TDRD6: variants seen among roughly 807,000 people sequenced by gnomAD.
The protein encoded by TDRD6 is tudor domain containing 6.
A neutral mutation model predicts 157.5 loss-of-function variants in TDRD6; 186 were observed. The observed-to-expected ratio is 1.18, with a 90% CI of 1.05 to 1.33. The LOEUF (loss-of-function observed/expected upper bound fraction) is 1.33, where lower values mean the gene tolerates loss of function less well. TDRD6 is among the 40% of genes most tolerant of loss of function. The probability of loss-of-function intolerance (pLI) is 0.00; values close to 1 mark genes in which losing one functional copy is unlikely to be tolerated. For synonymous variants in TDRD6, 1,075 were observed against 945.2 expected (o/e 1.14, Z -2.52); for missense variants, 3,066 against 2,508.0 (o/e 1.22, Z -4.75).
chr6:46,699,981 A>G lies in TDRD6; in HGVS notation c.6262-1877A>G, dbSNP rs530180389. Among the ~76,000 whole-genome samples the G allele has an allele frequency of 9.8e-5, 15 of 152,296 alleles. No homozygotes were observed. In the South Asian group the frequency reaches 2.5e-3, roughly 25 times the overall value. ...TTAGGTCATTTGAAATTTTTACTAT[A>G]AAAAATCAATGAATATCTCTCTTTA... On this transcript the variant is annotated intron_variant, in intron 3 of 3. Coordinates refer to ENST00000316081, the MANE Select transcript of TDRD6 (RefSeq NM_001010870.3).
Position 46,690,694 on chromosome 6 carries a change from G to A in TDRD6, c.2566G>A (p.Asp856Asn), listed in dbSNP as rs977051453. ...HVNVTFVDYGDREMVSVKNIY... is the reference protein window; with the variant it reads ...HVNVTFVDYGNREMVSVKNIY... ...CAATGTAACATTTGTAGATTATGGAGACAGAGAAATGGTATCTGTGAAGAA... is the reference window on the plus strand; with the variant it reads ...CAATGTAACATTTGTAGATTATGGAAACAGAGAAATGGTATCTGTGAAGAA... The change falls in exon 1 of 4, where the codon GAC becomes AAC. Residue 856 changes from aspartate to asparagine, a missense_variant. By Grantham distance (23) the Asp-to-Asn change is conservative (BLOSUM62 1). Coordinates refer to ENST00000316081, the MANE Select transcript of TDRD6 (RefSeq NM_001010870.3). The A allele has an allele frequency of 2.5e-6, 4 of 1,614,008 alleles. No individual in the cohort carries two copies. The highest frequency in any genetic ancestry group is 1.7e-5 in the Admixed American group (1 of 60,002).
chr6:46,685,014 G>GTT (rs76156697), upstream of TDRD6, among the ~76,000 whole-genome samples: 214 of 131,512 alleles, frequency 1.6e-3, 1 homozygote, highest in African/African-American at 4.7e-3. Context: ...AACATTGTGG[G>GTT]TTTTTTTTTT....
chr6:46,693,535 G>A lies in TDRD6; in HGVS notation c.5407G>A (p.Asp1803Asn), dbSNP rs148925178. Residue 1803 changes from aspartate (D) to asparagine (N), a missense_variant, in exon 1 of 4, where the codon GAC (aspartate) becomes AAC (asparagine). Asp to Asn is a conservative substitution (Grantham distance 23, BLOSUM62 1). Coordinates refer to ENST00000316081, the MANE Select transcript of TDRD6 (RefSeq NM_001010870.3). The stretch of plus-strand genomic sequence containing the variant: ...AGGTGAATTAGAGTGCCATCTGGTT[G>A]ACAAAGCAGAGTTTGATGATAAATA... The part of the protein sequence containing the change: ...LEGELECHLV[D>N]KAEFDDKYLI... The A allele has an allele frequency of 4.3e-6, 7 of 1,613,844 alleles. No homozygotes were observed. The highest frequency in any genetic ancestry group is 5.9e-6 in the Non-Finnish European group (7 of 1,179,886).
upstream of TDRD6, among the ~76,000 whole-genome samples, chr6:46,685,564 T>C (rs1764070242): frequency 6.6e-6 from 1 of 152,126 alleles, no homozygotes; most frequent in Non-Finnish European, 1.5e-5. Flanking sequence ...TACGTATTTG[T>C]ATTAGGATAA....
At chr6:46,683,501 A>C (rs1343705536), upstream of TDRD6, among the ~76,000 whole-genome samples, 1 of 152,050 alleles carries the variant, frequency 6.6e-6, no homozygotes, top group Non-Finnish European at 1.5e-5. Flanking sequence ...ATTTCATCAA[A>C]ATTACAAATT....
the TDRD6 span, among the ~76,000 whole-genome samples, chr6:46,680,958 C>A: frequency 6.6e-6 from 1 of 152,190 alleles, no homozygotes; most frequent in Non-Finnish European, 1.5e-5. Flanking sequence ...CCCCCTTTCT[C>A]CCACTGCTTC....
chr6:46,693,172 GTTGAC>G lies in TDRD6; in HGVS notation c.5049_5053del (p.Asp1683GlufsTer5). 2 of 1,608,952 alleles carry G rather than the reference GTTGAC, an allele frequency of 1.2e-6. No homozygotes were observed. The highest frequency in any genetic ancestry group is 1.1e-5 in the South Asian group (1 of 90,248). On this transcript the variant is annotated frameshift_variant, in exon 1 of 4. Transcript: ENST00000316081. LOFTEE classifies it high-confidence loss of function. ...TGTTTGTGATATCCCTTTAGCAATT[GTTGAC>G]TTGAAAAGCAAAGGTAAAAGTATTA...
rs1176705454 is a variant in TDRD6 at position 46,689,624 on chromosome 6, C to T, written c.1496C>T (p.Pro499Leu). 5 of 1,614,018 alleles carry T rather than the reference C, an allele frequency of 3.1e-6. No homozygotes were observed. The African/African-American group carries it at 6.7e-5, about 22-fold the overall frequency. Residue 499 changes from proline to leucine, a missense_variant, in exon 1 of 4, where the codon CCT (proline) becomes CTT (leucine). Coordinates refer to ENST00000316081, the MANE Select transcript of TDRD6 (RefSeq NM_001010870.3). ...YDAQVEFVKN[P>L]SEFWIRLRKH... ...GCGCAGGTAGAGTTTGTTAAAAATC[C>T]TTCTGAGTTTTGGATTAGGTTGAGG...
At chr6:46,682,255 A>G in the TDRD6 span, among the ~76,000 whole-genome samples, 18 of 152,148 alleles carry the variant, frequency 1.2e-4, no homozygotes, top group South Asian at 3.7e-3. Flanking sequence ...AAAACAAAAC[A>G]TATATCAACA....
chr6:46,688,303 C>A lies in TDRD6; in HGVS notation c.175C>A (p.Gln59Lys), dbSNP rs1347334989. The change falls in exon 1 of 4, where the codon CAG becomes AAG. Residue 59 changes from glutamine to lysine, a missense_variant. Gln to Lys is a moderately conservative substitution (Grantham distance 53, BLOSUM62 1). Transcript: ENST00000316081. ...CCAGGAAGCGGCGGCCACGCGCGGC[C>A]AGTGGGCGCTGGGCAGCGCCTCGGC... ...EIQEAAATRG[Q>K]WALGSASASP... The A allele has an allele frequency of 1.3e-6, 2 of 1,504,432 alleles. No individual in the cohort carries two copies. The highest frequency in any genetic ancestry group is 1.8e-6 in the Non-Finnish European group (2 of 1,134,054). 93.2% of individuals were successfully genotyped at this position (1,504,432 alleles called of 1,614,324 possible).
rs965890232 is a variant in TDRD6 at position 46,692,102 on chromosome 6, T to C, written c.3974T>C (p.Ile1325Thr). 3.7e-6 allele frequency: 6 copies of C among 1,613,364 alleles called. No individual in the cohort carries two copies. The highest frequency in any genetic ancestry group is 4.5e-5 in the East Asian group (2 of 44,866). Residue 1325 changes from isoleucine to threonine, a missense_variant, in exon 1 of 4, where the codon ATA becomes ACA. Physicochemically the swap from Ile to Thr is moderately conservative, Grantham distance 89. Transcript: ENST00000316081. ...NDLSDFYVQL[I>T]EDEAEISHLS... ...CTTTCAGACTTTTATGTTCAACTAATAGAAGATGAAGCTGAAATTAGTCAT... is the reference window on the plus strand; with the variant it reads ...CTTTCAGACTTTTATGTTCAACTAACAGAAGATGAAGCTGAAATTAGTCAT...
chr6:46,688,733 A>G lies in TDRD6; in HGVS notation c.605A>G (p.Asp202Gly), dbSNP rs768307741. The change falls in exon 1 of 4, where the codon GAC (aspartate) becomes GGC (glycine). Residue 202 changes from aspartate to glycine, a missense_variant. Asp to Gly is a moderately conservative substitution (Grantham distance 94). Transcript: ENST00000316081. ...CTGGGCCTGGCTCGGCGGGTGCCCG[A>G]CAGCCTCTTCCGTTCGCTGCTGGAG... is the stretch of plus-strand genomic sequence containing the variant. ...RELGLARRVP[D>G]SLFRSLLERY... The G allele has an allele frequency of 1.9e-6, 3 of 1,599,526 alleles. No homozygotes were observed. The highest frequency in any genetic ancestry group is 2.5e-6 in the Non-Finnish European group (3 of 1,178,954).
chr6:46,687,887 GC>G lies in TDRD6; in HGVS notation c.-239del. 3.8e-6 allele frequency: 2 copies of G among 519,542 alleles called. No homozygotes were observed. The highest frequency in any genetic ancestry group is 6.4e-6 in the Non-Finnish European group (2 of 313,162). 32.2% of individuals were successfully genotyped at this position (519,542 alleles called of 1,614,324 possible). A position where few individuals can be genotyped will look rare whatever the true frequency, so the allele number is the denominator to read the frequency against. ...GCGGCGCCGAGTGAGGTAAATGCGT[GC>G]CCGGAAGCGCGACCTCGGGCGGTTG... On this transcript the variant is annotated 5_prime_UTR_variant, in exon 1 of 4. Transcript: ENST00000316081.
rs777849868 is a variant in TDRD6 at position 46,693,001 on chromosome 6, C to G, written c.4873C>G (p.Leu1625Val). ...ACTCTGGGCCATTCCTTCTGAACTTCTGTCGGTTCCCATGCAAGCCTTTCC... is the reference window on the plus strand; with the variant it reads ...ACTCTGGGCCATTCCTTCTGAACTTGTGTCGGTTCCCATGCAAGCCTTTCC... ...KALWAIPSEL[L>V]SVPMQAFPCC... is the part of the protein sequence containing the mutation. Residue 1625 changes from leucine to valine, a missense_variant, in exon 1 of 4, where the codon CTG (leucine) becomes GTG (valine). Leu to Val is a conservative substitution (Grantham distance 32, BLOSUM62 1). Transcript: ENST00000316081. 2 of 1,612,546 alleles carry G rather than the reference C, an allele frequency of 1.2e-6. No individual in the cohort carries two copies. Among genetic ancestry groups the G allele is most frequent in the East Asian group, 2.2e-5 (1 of 44,850 alleles).
At position 46,698,004 on chromosome 6, in the gene TDRD6, A is replaced by T. The variant is rs765831600; in HGVS notation, c.6178A>T (p.Asn2060Tyr). ...AATTTGTTTTCTCCTGTAGGTTTTGAACCTTTCAAATGGTATGGAGGAGAT... is the reference window on the plus strand; with the variant it reads ...AATTTGTTTTCTCCTGTAGGTTTTGTACCTTTCAAATGGTATGGAGGAGAT... Reference protein sequence around the residue: ...ETAEEGTRVLNLSNGMEEIVN... With the variant: ...ETAEEGTRVLYLSNGMEEIVN... The change falls in exon 3 of 4, where the codon AAC becomes TAC. Residue 2060 changes from asparagine to tyrosine, a missense_variant. By Grantham distance (143) the Asn-to-Tyr change is moderately radical. Coordinates refer to ENST00000316081, the MANE Select transcript of TDRD6 (RefSeq NM_001010870.3). 3 of 1,592,444 alleles carry T rather than the reference A, an allele frequency of 1.9e-6. No homozygotes were observed. In the East Asian group the frequency reaches 6.7e-5, roughly 36 times the overall value.
At chr6:46,695,116 T>A (rs1183576950) in intron 1 of TDRD6, among the ~76,000 whole-genome samples, 2 of 152,164 alleles carry the variant, frequency 1.3e-5, no homozygotes, top group Non-Finnish European at 2.9e-5. Flanking sequence ...TGTCAATTTT[T>A]ATATTATTAA....
Position 46,701,902 on chromosome 6 carries a change from C to G in TDRD6, c.*15C>G, listed in dbSNP as rs1241981338. 3 of 1,611,386 alleles carry G rather than the reference C, an allele frequency of 1.9e-6. No homozygotes were observed. The highest frequency in any genetic ancestry group is 2.5e-6 in the Non-Finnish European group (3 of 1,178,228). On this transcript the variant is annotated 3_prime_UTR_variant, in exon 4 of 4. Transcript: ENST00000316081. The stretch of plus-strand genomic sequence containing the variant: ...TGGAGATTTAACCGTGGATCTATAG[C>G]TGTGGCCAATCAGTCAGAAGCTGCC...
At position 46,691,732 on chromosome 6, in the gene TDRD6, A is replaced by G. The variant is rs768498347; in HGVS notation, c.3604A>G (p.Lys1202Glu). The G allele has an allele frequency of 8.2e-6, 13 of 1,594,792 alleles. No individual in the cohort carries two copies. The Admixed American group carries it at 2.4e-4, about 30-fold the overall frequency. The change falls in exon 1 of 4, where the codon AAG becomes GAG. Residue 1202 changes from lysine (K) to glutamate (E), a missense_variant. By Grantham distance (56) the Lys-to-Glu change is moderately conservative. Coordinates refer to ENST00000316081, the MANE Select transcript of TDRD6 (RefSeq NM_001010870.3). ...GTATTTAAGTAAATCAGTAGGGTACAAGTTACCTAATAAAGAAATTTTGGA... is the reference window on the plus strand; with the variant it reads ...GTATTTAAGTAAATCAGTAGGGTACGAGTTACCTAATAAAGAAATTTTGGA... ...TEYLSKSVGY[K>E]LPNKEILEES...
chr6:46,696,089 A>AT, intron 2 of TDRD6, 144 bp downstream of exon 2: 1 of 831,520 alleles, frequency 1.2e-6, no homozygotes. Flanking sequence ...ATGCACATAT[A>AT]TTTTAAATCT....
Sources: gnomAD v4.1 joint callset for allele counts (sites outside exome capture counted in the v4.1 genomes callset) on GRCh38, gnomAD v4.1.1 for gene constraint, MANE v1.5 for transcripts, NCBI Gene and HGNC (gene_info 2026-07-23, HGNC 2026-07-21) for gene names.